DMD: variants seen among roughly 807,000 people sequenced by gnomAD.
The protein encoded by DMD is dystrophin, also known as mutant dystrophin.
Under a neutral mutation model 330.1 loss-of-function variants are expected in DMD, and 63 were observed. The observed-to-expected ratio is 0.19, with a 90% CI of 0.16 to 0.24. The LOEUF (loss-of-function observed/expected upper bound fraction) is 0.24. DMD is among the 10% of genes least tolerant of loss of function. The pLI, the probability that DMD is intolerant of heterozygous loss-of-function variation, is 1.00. For synonymous variants in DMD, 1,223 were observed against 959.8 expected (o/e 1.27, Z -5.07); for missense variants, 3,344 against 2,684.1 (o/e 1.25, Z -5.43).
chrX:31,718,097 G>A (rs2085194746), intron 52 of DMD, among the ~76,000 whole-genome samples: 1 of 111,943 alleles, frequency 8.9e-6, no homozygotes, highest in Non-Finnish European at 1.9e-5. Context: ...TGGAAACACT[G>A]AAAATAGAAA....
At chrX:32,961,159 G>T in intron 2 of DMD, among the ~76,000 whole-genome samples, 1 of 111,024 alleles carries the variant, frequency 9.0e-6, no homozygotes, top group Non-Finnish European at 1.9e-5. Context: ...TTTTGGTATG[G>T]CTTGGTTTCT....
chrX:31,397,015 G>A (rs2060978272), intron 60 of DMD, among the ~76,000 whole-genome samples: 1 of 111,782 alleles, frequency 8.9e-6, no homozygotes, highest in South Asian at 3.8e-4. Context: ...GATTTAGAGT[G>A]TGTCTTATGA....
chrX:32,747,317 G>C (rs770592603), intron 7 of DMD, among the ~76,000 whole-genome samples: 6 of 112,014 alleles, frequency 5.4e-5, no homozygotes, highest in Non-Finnish European at 1.1e-4. Flanking sequence ...GTTTGGGACA[G>C]CTACTCCAGG....
chrX:31,620,477 C>T (rs1218078607), intron 55 of DMD, among the ~76,000 whole-genome samples: 2 of 104,868 alleles, frequency 1.9e-5, no homozygotes, highest in Non-Finnish European at 3.9e-5. Context: ...TGCAATGGCA[C>T]GATCTCAGCT....
chrX:31,894,473 C>A (rs1281870637), intron 47 of DMD, among the ~76,000 whole-genome samples: 1 of 111,731 alleles, frequency 9.0e-6, no homozygotes, highest in Non-Finnish European at 1.9e-5. Flanking sequence ...CACAGCTATT[C>A]TCAGGCCTTG....
chrX:33,190,953 T>TTATATATATATATAATATATAATATTA (rs2050571707), intron 1 of DMD, among the ~76,000 whole-genome samples: 1 of 1,586 alleles, frequency 6.3e-4, no homozygotes, highest in Non-Finnish European at 1.1e-3. Context: ...ATATATAATA[T>TTATATATATATATAATATATAATATTA]TATATATATA....
chrX:31,896,550 C>T (rs1290336290), intron 47 of DMD, among the ~76,000 whole-genome samples: 1 of 111,246 alleles, frequency 9.0e-6, no homozygotes, highest in Non-Finnish European at 1.9e-5. Context: ...CATGTTCATA[C>T]CTAATTTTAT....
chrX:33,227,100 G>C (rs767936150), intron 1 of DMD, among the ~76,000 whole-genome samples: 1 of 109,908 alleles, frequency 9.1e-6, no homozygotes, highest in South Asian at 3.8e-4. Flanking sequence ...TTAGAGTCTT[G>C]TAAAAACAGG....
chrX:32,730,083 A>G (rs2067374871), intron 7 of DMD, among the ~76,000 whole-genome samples: 1 of 112,102 alleles, frequency 8.9e-6, no homozygotes, highest in South Asian at 3.7e-4. Flanking sequence ...TCCTAATCTC[A>G]GCATTTTCGG....
intron 60 of DMD, among the ~76,000 whole-genome samples, chrX:31,394,178 TAAGA>T (rs1311931622): frequency 4.5e-5 from 5 of 112,352 alleles, no homozygotes; most frequent in Non-Finnish European, 7.5e-5. Context: ...GTATGCAACT[TAAGA>T]AAGATGAAGT....
chrX:32,632,167 T>C (rs934897502), intron 11 of DMD, among the ~76,000 whole-genome samples: 3 of 112,221 alleles, frequency 2.7e-5, no homozygotes, highest in Non-Finnish European at 5.6e-5. Flanking sequence ...CTCATGCAAG[T>C]CTGAAACCCA....
At chrX:31,281,702 C>G (rs748515782) in intron 62 of DMD, among the ~76,000 whole-genome samples, 2 of 111,613 alleles carry the variant, frequency 1.8e-5, no homozygotes, top group Non-Finnish European at 1.9e-5. Flanking sequence ...AGAATGCACT[C>G]CTGTTGAGTA....
chrX:32,491,734 A>C (rs1449230417), intron 19 of DMD, among the ~76,000 whole-genome samples: 4 of 112,116 alleles, frequency 3.6e-5, no homozygotes, highest in Non-Finnish European at 5.6e-5. Flanking sequence ...CAATGCCATC[A>C]AGTAATAAGA....
At chrX:32,686,537 C>A (rs1282981705) in intron 9 of DMD, among the ~76,000 whole-genome samples, 1 of 52,311 alleles carries the variant, frequency 1.9e-5, no homozygotes, top group Non-Finnish European at 3.2e-5. Context: ...TCAGCCGGGG[C>A]AACAGAGCAA....
At chrX:32,731,746 C>CA (rs1028391117) in intron 7 of DMD, among the ~76,000 whole-genome samples, 1 of 111,978 alleles carries the variant, frequency 8.9e-6, no homozygotes, top group Non-Finnish European at 1.9e-5. Flanking sequence ...GACATCCACA[C>CA]AAAAAACCCA....
At chrX:32,807,134 A>AAC (rs1440745127) in intron 7 of DMD, among the ~76,000 whole-genome samples, 2 of 103,950 alleles carry the variant, frequency 1.9e-5, no homozygotes, top group South Asian at 4.2e-4. Context: ...AAAAAAAAAA[A>AAC]AAAAAAAAAA....
At chrX:33,017,444 G>T (rs778931939) in intron 2 of DMD, among the ~76,000 whole-genome samples, 22 of 111,285 alleles carry the variant, frequency 2.0e-4, no homozygotes, top group Non-Finnish European at 3.4e-4. Flanking sequence ...CATTTTTATA[G>T]TTGTATGAAT....
At chrX:31,665,027 T>C (rs992309532) in intron 53 of DMD, among the ~76,000 whole-genome samples, 4 of 111,626 alleles carry the variant, frequency 3.6e-5, no homozygotes, top group African/African-American at 6.5e-5. Context: ...ATTGTCCACA[T>C]GAGAATATAA....
intron 13 of DMD, among the ~76,000 whole-genome samples, chrX:32,574,922 A>T (rs181803567): frequency 0.033 from 3,458 of 105,802 alleles, 137 homozygotes; most frequent in African/African-American, 0.11. Context: ...TTGTAGACAG[A>T]GTTTTGCTCC....
Sources: allele counts gnomAD v4.1 joint callset (sites outside exome capture counted in the v4.1 genomes callset), GRCh38; gene constraint gnomAD v4.1.1; transcripts MANE v1.5; gene names NCBI Gene and HGNC (gene_info 2026-07-23, HGNC 2026-07-21).